HEATR4: variants seen among roughly 807,000 people sequenced by gnomAD.
HEATR4 encodes the protein HEAT repeat-containing protein 4.
In HEATR4, 95 loss-of-function variants were observed where a neutral mutation model predicts 108.8. The ratio of observed to expected loss-of-function variants is 0.87; its 90% CI spans 0.74 to 1.04. The LOEUF is 1.04. Ranked by LOEUF, HEATR4 falls within the 50% of genes least tolerant of loss-of-function variation. The pLI is 0.00. For synonymous variants in HEATR4, 443 were observed against 459.4 expected, an observed-to-expected ratio of 0.96 and a Z score of 0.46; for missense variants, 1,152 against 1,253.8, an observed-to-expected ratio of 0.92 and a Z score of 1.23.
the HEATR4 span, chr14:73,575,351 C>T: frequency 9.9e-7 from 1 of 1,011,668 alleles, no homozygotes; most frequent in Non-Finnish European, 1.4e-6. Context: ...CTTACTTCCC[C>T]CTGTGTCGGG....
At chr14:73,627,959 C>T in the HEATR4 span, among the ~76,000 whole-genome samples, 2 of 152,168 alleles carry the variant, frequency 1.3e-5, no homozygotes, top group Admixed American at 6.6e-5. Context: ...CAGGTGGGTG[C>T]CACCAAGCCT....
At chr14:73,577,856 A>ATTT in the HEATR4 span, among the ~76,000 whole-genome samples, 1 of 146,480 alleles carries the variant, frequency 6.8e-6, no homozygotes, top group Non-Finnish European at 1.5e-5. Context: ...TATAAAAACA[A>ATTT]TTTTTTTTTT....
At chr14:73,595,258 G>C in the HEATR4 span, 1 of 1,614,140 alleles carries the variant, frequency 6.2e-7, no homozygotes, top group Admixed American at 1.7e-5. Context: ...CAGGCCTCGT[G>C]GACATTGTGG....
rs543490067 is a variant in HEATR4 at position 73,489,851 on chromosome 14, T to C, written c.2844+3215A>G. 3.9e-5 allele frequency among the ~76,000 whole-genome samples: 6 copies of C among 152,282 alleles called. No homozygotes were observed. The South Asian group carries it at 1.0e-3, about 26-fold the overall frequency. ...AGGACAATGAATTTGAGAATTTGTA[T>C]TGGAGAAAAGAGGGAGAGAAGTTAG... On this transcript the variant is annotated intron_variant, in intron 17 of 17. Coordinates refer to ENST00000553558, the MANE Select transcript of HEATR4 (RefSeq NM_001220484.1).
At chr14:73,594,647 T>C in the HEATR4 span, among the ~76,000 whole-genome samples, 3 of 152,108 alleles carry the variant, frequency 2.0e-5, no homozygotes, top group Non-Finnish European at 1.5e-5. Context: ...GTTTGCATTT[T>C]AGAAAAATGT....
chr14:73,622,688 C>T, the HEATR4 span, among the ~76,000 whole-genome samples: 7 of 151,914 alleles, frequency 4.6e-5, no homozygotes, highest in Admixed American at 2.0e-4. Flanking sequence ...CATGAGCCAC[C>T]GCGCCTGGCT....
At chr14:73,579,761 C>T in the HEATR4 span, among the ~76,000 whole-genome samples, 1 of 151,718 alleles carries the variant, frequency 6.6e-6, no homozygotes, top group African/African-American at 2.4e-5. Context: ...AAACAATACC[C>T]ACGTCCAATG....
the HEATR4 span, chr14:73,612,517 A>G: frequency 3.5e-6 from 4 of 1,151,512 alleles, no homozygotes; most frequent in Non-Finnish European, 4.5e-6. Flanking sequence ...CAAAGCCGCC[A>G]GGCCCGCCCA....
upstream of HEATR4, among the ~76,000 whole-genome samples, chr14:73,563,703 C>G (rs151237585): frequency 2.6e-5 from 4 of 152,084 alleles, 1 homozygote; most frequent in South Asian, 2.1e-4. Context: ...CAGCTCATGC[C>G]TGTAATTCTA....
chr14:73,632,861 AAG>A, the HEATR4 span, among the ~76,000 whole-genome samples: 3 of 78,802 alleles, frequency 3.8e-5, no homozygotes, highest in East Asian at 2.0e-4. Flanking sequence ...AAAAAAAAAG[AAG>A]AAGAAGAAAT....
the HEATR4 span, chr14:73,571,734 G>T: frequency 3.9e-5 from 6 of 152,010 alleles, no homozygotes; most frequent in Admixed American, 6.6e-5. Context: ...GATCCTAGGG[G>T]TATGGGGCCC....
rs1322920465 is a variant in HEATR4 at position 73,532,961 on chromosome 14, A to C, written c.-151-2717T>G. ...CAGAGCAAGACTCCATCTCAAAAAA[A>C]TAAATAAATAAATAAAAAGAAAAGA... On this transcript the variant is annotated intron_variant, in intron 1 of 17. Coordinates refer to ENST00000553558, the MANE Select transcript of HEATR4 (RefSeq NM_001220484.1). 5.4e-5 allele frequency among the ~76,000 whole-genome samples: 6 copies of C among 111,142 alleles called. 2 individuals are homozygous for C. The highest frequency in any genetic ancestry group is 9.7e-5 in the Non-Finnish European group (5 of 51,530). The allele number at this position is 111,142 out of a possible 152,430, so 72.9% of individuals were successfully genotyped here.
rs1268093650 is a variant in HEATR4 at position 73,538,335 on chromosome 14, T to C, written c.-151-8091A>G. Among the ~76,000 whole-genome samples the C allele has an allele frequency of 3.5e-5, 4 of 113,876 alleles. 2 individuals are homozygous for C. Among genetic ancestry groups the C allele is most frequent in the Non-Finnish European group, 3.8e-5 (2 of 52,420 alleles). The allele number at this position is 113,876 out of a possible 152,430, so 74.7% of individuals were successfully genotyped here. On this transcript the variant is annotated intron_variant, in intron 1 of 17. Transcript: ENST00000553558. ...CTCAGTTAAAAGACATTGTAAGGGCTGGGCGCGCTGGCTCACGCCTGTAAT... is the reference window on the plus strand; with the variant it reads ...CTCAGTTAAAAGACATTGTAAGGGCCGGGCGCGCTGGCTCACGCCTGTAAT...
intron 2 of HEATR4, among the ~76,000 whole-genome samples, chr14:73,525,978 T>TA (rs1287417280): frequency 6.7e-6 from 1 of 148,570 alleles, no homozygotes; most frequent in Non-Finnish European, 1.5e-5. Flanking sequence ...AGCATCTTCA[T>TA]AAGAAACAAA....
the HEATR4 span, chr14:73,617,033 C>A: frequency 1.1e-6 from 1 of 940,016 alleles, no homozygotes; most frequent in Non-Finnish European, 1.7e-6. Context: ...TTGGGAGCAG[C>A]AGGGGCCTTT....
the HEATR4 span, among the ~76,000 whole-genome samples, chr14:73,610,288 C>T: frequency 2.4e-5 from 3 of 123,762 alleles, no homozygotes; most frequent in South Asian, 2.9e-4. Flanking sequence ...AGTCAAGTGT[C>T]GCTTTTTTTT....
intron 9 of HEATR4, 50 bp downstream of exon 9, chr14:73,508,084 A>G: frequency 6.4e-7 from 1 of 1,555,576 alleles, no homozygotes; most frequent in Non-Finnish European, 8.9e-7. Flanking sequence ...CTGACCTCAA[A>G]GACCTAATTG....
chr14:73,505,753 G>A (rs996650316), intron 10 of HEATR4, among the ~76,000 whole-genome samples: 1 of 152,050 alleles, frequency 6.6e-6, no homozygotes, highest in African/African-American at 2.4e-5. Flanking sequence ...CACTCATTTA[G>A]ATGGGTTTTT....
chr14:73,541,021 C>A (rs1889065771), intron 1 of HEATR4, among the ~76,000 whole-genome samples: 1 of 114,922 alleles, frequency 8.7e-6, no homozygotes, highest in Non-Finnish European at 1.9e-5. Context: ...GGATTACAGG[C>A]GTGAGCCACC....
Sources: allele counts gnomAD v4.1 joint callset (sites outside exome capture counted in the v4.1 genomes callset), GRCh38; gene constraint gnomAD v4.1.1; transcripts MANE v1.5; gene names NCBI Gene and HGNC (gene_info 2026-07-23, HGNC 2026-07-21).